Variants in GMCL1 observed in about 807,000 individuals in gnomAD.
The protein encoded by GMCL1 is germ cell-less 1, spermatogenesis associated.
In GMCL1, 54 loss-of-function variants were observed where a neutral mutation model predicts 75.5. The ratio of observed to expected loss-of-function variants is 0.71; its 90% CI spans 0.57 to 0.90. The LOEUF is 0.90. Among genes scored for constraint, GMCL1 ranks in the 40% least tolerant of loss-of-function variants. The probability of loss-of-function intolerance (pLI) is 0.00; values close to 1 mark genes in which losing one functional copy is unlikely to be tolerated. For synonymous variants in GMCL1, 210 were observed against 209.6 expected (o/e 1.00, Z -0.02); for missense variants, 537 against 622.7 (o/e 0.86, Z 1.47).
intron 4 of GMCL1, among the ~76,000 whole-genome samples, chr2:69,841,981 T>A (rs1261542277): frequency 6.6e-6 from 1 of 152,206 alleles, no homozygotes; most frequent in Non-Finnish European, 1.5e-5. Flanking sequence ...TATACATTGC[T>A]AAGAAGTTTA....
intron 12 of GMCL1, among the ~76,000 whole-genome samples, chr2:69,871,121 C>T (rs1272798595): frequency 6.6e-6 from 1 of 152,108 alleles, no homozygotes; most frequent in Admixed American, 6.6e-5. Context: ...GGAAGCAACC[C>T]ACATGTTCAC....
intron 6 of GMCL1, 190 bp downstream of exon 6, chr2:69,844,386 T>G (rs1382600106): frequency 2.4e-6 from 1 of 417,478 alleles, no homozygotes; most frequent in Non-Finnish European, 4.3e-6. Flanking sequence ...GTGAATAATA[T>G]AATGGATATT....
In GMCL1 at chr2:69,879,022, A is replaced by G. The variant is rs766248106; in HGVS notation, c.*18A>G. The stretch of plus-strand genomic sequence containing the variant: ...AGAATTGAAAATAATCGTCACCCAG[A>G]AAATCCAGAAAACTGAAGATTTCAT... On this transcript the variant is annotated 3_prime_UTR_variant, in exon 14 of 14. Transcript: ENST00000282570. 50 of 1,481,564 alleles carry G rather than the reference A, an allele frequency of 3.4e-5. No individual in the cohort carries two copies. The East Asian group carries it at 1.1e-3, about 31-fold the overall frequency. 91.8% of individuals were successfully genotyped at this position (1,481,564 alleles called of 1,614,324 possible).
At chr2:69,865,906 A>T (rs1675802357) in intron 11 of GMCL1, among the ~76,000 whole-genome samples, 1 of 152,016 alleles carries the variant, frequency 6.6e-6, no homozygotes, top group Non-Finnish European at 1.5e-5. Flanking sequence ...AATAGCTGGG[A>T]TTGTAAGCAT....
At position 69,829,951 on chromosome 2, in the gene GMCL1, C is replaced by A. The variant is rs1457744075; in HGVS notation, c.59C>A (p.Ala20Glu). The A allele has an allele frequency of 1.3e-6, 2 of 1,597,126 alleles. No homozygotes were observed. Among genetic ancestry groups the A allele is most frequent in the Non-Finnish European group, 1.7e-6 (2 of 1,172,018 alleles). The change falls in exon 1 of 14, where the codon GCG becomes GAG. Residue 20 changes from alanine (A) to glutamate (E), a missense_variant. Ala to Glu is a moderately radical substitution (Grantham distance 107, BLOSUM62 -1). This residue lies in a region of GMCL1 where 144 missense variants were observed against 127.2 expected (regional missense o/e 1.13). Transcript: ENST00000282570. ...CCAAGACCAGCCCTTGCCCAGCAGG[C>A]GCAGGGTGCCAGGGCGGGGGGCTCG... ...RQPRPALAQQ[A>E]QGARAGGSAR... is the part of the protein sequence containing the mutation.
chr2:69,841,134 G>A (rs1674973561), intron 4 of GMCL1, 95 bp downstream of exon 4: 2 of 746,844 alleles, frequency 2.7e-6, no homozygotes, highest in South Asian at 2.0e-5. Context: ...AGCTTTTTTG[G>A]AGTTTTTAAA....
intron 2 of GMCL1, among the ~76,000 whole-genome samples, chr2:69,837,993 G>GTT: frequency 6.6e-6 from 1 of 152,198 alleles, no homozygotes; most frequent in South Asian, 2.1e-4. Context: ...AGATTGTAGT[G>GTT]TTTATTTTGC....
At chr2:69,831,033 C>G (rs1674657075) in intron 1 of GMCL1, among the ~76,000 whole-genome samples, 1 of 152,144 alleles carries the variant, frequency 6.6e-6, no homozygotes, top group Non-Finnish European at 1.5e-5. Flanking sequence ...ATTCTTGTGC[C>G]TCAGCCTCCC....
chr2:69,852,116 A>G (rs577702100), intron 8 of GMCL1, among the ~76,000 whole-genome samples: 53 of 152,320 alleles, frequency 3.5e-4, no homozygotes, highest in African/African-American at 1.2e-3. Context: ...AGAGACAAGG[A>G]TGGTGAAGAA....
At position 69,879,892 on chromosome 2, in the gene GMCL1, G is replaced by T. The variant is rs1676232812; in HGVS notation, c.*888G>T. ...TAGAATTATTTATGTTCAAATTTTA[G>T]TTGGGAACTTTGTTTCCTACTTAAG... On this transcript the variant is annotated 3_prime_UTR_variant, in exon 14 of 14. Coordinates refer to ENST00000282570, the MANE Select transcript of GMCL1 (RefSeq NM_178439.5). The T allele has an allele frequency of 6.6e-6, 1 of 151,956 alleles. No homozygotes were observed. Among genetic ancestry groups the T allele is most frequent in the South Asian group, 2.1e-4 (1 of 4,814 alleles). 9.4% of individuals were successfully genotyped at this position (151,956 alleles called of 1,614,324 possible). A position where few individuals can be genotyped will look rare whatever the true frequency, so the allele number is the denominator to read the frequency against.
At chr2:69,858,254 A>G (rs1286617274) in intron 9 of GMCL1, among the ~76,000 whole-genome samples, 3 of 152,198 alleles carry the variant, frequency 2.0e-5, no homozygotes, top group African/African-American at 4.8e-5. Flanking sequence ...GTCTTAAGCA[A>G]TGCTTCTGCC....
chr2:69,836,895 C>T (rs1043668154), intron 1 of GMCL1, among the ~76,000 whole-genome samples: 2 of 151,980 alleles, frequency 1.3e-5, no homozygotes, highest in African/African-American at 4.8e-5. Flanking sequence ...TTGGTGGCCC[C>T]TAAGACTTCT....
chr2:69,841,039 G>A lies in GMCL1; in HGVS notation c.579G>A (p.Leu193=), dbSNP rs1255351672. 5.6e-6 allele frequency: 9 copies of A among 1,607,176 alleles called. No homozygotes were observed. The highest frequency in any genetic ancestry group is 7.7e-6 in the Non-Finnish European group (9 of 1,173,828). ...AILAAACLLQ[L]DGLIQQCGET... ...TGGCAGCAGCTTGTTTGCTGCAGTT[G>A]GTAAGTATGCACGTTATTCGAAGAA... The change falls in exon 4 of 14, where the codon TTG becomes TTA. Residue 193 remains leucine, a splice_region_variant and synonymous_variant. Transcript: ENST00000282570.
At chr2:69,857,347 A>G (rs567512339) in intron 9 of GMCL1, among the ~76,000 whole-genome samples, 140 of 152,320 alleles carry the variant, frequency 9.2e-4, no homozygotes, top group African/African-American at 3.2e-3. Context: ...TGAGTACTGC[A>G]GATCATCCTA....
At chr2:69,853,967 A>C (rs889112847) in intron 8 of GMCL1, among the ~76,000 whole-genome samples, 7 of 151,658 alleles carry the variant, frequency 4.6e-5, no homozygotes, top group African/African-American at 1.7e-4. Context: ...ACACCCAGCT[A>C]ATTTTTTTTG....
At chr2:69,852,682 G>A (rs1675353315) in intron 8 of GMCL1, among the ~76,000 whole-genome samples, 1 of 152,008 alleles carries the variant, frequency 6.6e-6, no homozygotes, top group Non-Finnish European at 1.5e-5. Context: ...GGGACTACAG[G>A]TGCATGCCAC....
At chr2:69,853,928 GT>G (rs1675391278) in intron 8 of GMCL1, among the ~76,000 whole-genome samples, 1 of 151,590 alleles carries the variant, frequency 6.6e-6, no homozygotes, top group African/African-American at 2.4e-5. Flanking sequence ...CAGCCTCCCA[GT>G]TAGCTGGGTT....
At position 69,878,832 on chromosome 2, in the gene GMCL1, G is replaced by A. The variant is rs567767613; in HGVS notation, c.1453-77G>A. ...CAGACTCAGGACACTATCTCCTTTG[G>A]TTCACTCAGTTCAACAGTTTGGTTT... On this transcript the variant is annotated intron_variant, in intron 13 of 13. Transcript: ENST00000282570. 197 of 950,714 alleles carry A rather than the reference G, an allele frequency of 2.1e-4. No individual in the cohort carries two copies. The East Asian group carries it at 3.8e-3, about 18-fold the overall frequency. The allele number at this position is 950,714 out of a possible 1,614,324, so 58.9% of individuals were successfully genotyped here. A position where few individuals can be genotyped will look rare whatever the true frequency, so the allele number is the denominator to read the frequency against.
chr2:69,835,408 T>A (rs1027260590), intron 1 of GMCL1, among the ~76,000 whole-genome samples: 3 of 152,056 alleles, frequency 2.0e-5, no homozygotes, highest in Non-Finnish European at 2.9e-5. Context: ...GAATTATATG[T>A]TTCCAGGGGT....
Sources: gnomAD v4.1 joint callset for allele counts (sites outside exome capture counted in the v4.1 genomes callset) on GRCh38, gnomAD v4.1.1 for gene constraint, gnomAD v4.1.1 regional missense constraint, MANE v1.5 for transcripts, NCBI Gene and HGNC (gene_info 2026-07-23, HGNC 2026-07-21) for gene names.